Variants in PPIP5K2 observed in about 807,000 individuals in gnomAD.
PPIP5K2 encodes the protein inositol hexakisphosphate and diphosphoinositol-pentakisphosphate kinase 2.
PPIP5K2 carries 105 observed loss-of-function variants against 154.6 expected under a neutral mutation model. The ratio of observed to expected loss-of-function variants is 0.68; its 90% confidence interval spans 0.58 to 0.80. The LOEUF (loss-of-function observed/expected upper bound fraction) is 0.80, where lower values mean the gene tolerates loss of function less well. Among genes scored for constraint, PPIP5K2 ranks in the 30% least tolerant of loss-of-function variants. PPIP5K2 has a pLI of 0.00. For synonymous variants in PPIP5K2, 480 were observed against 490.3 expected (o/e 0.98, Z 0.28); for missense variants, 992 against 1,504.6 (o/e 0.66, Z 5.64).
intron 17 of PPIP5K2, among the ~76,000 whole-genome samples, chr5:103,164,924 T>A (rs1186890373): frequency 1.3e-5 from 2 of 152,086 alleles, no homozygotes; most frequent in African/African-American, 4.8e-5. Context: ...AACAGGATAG[T>A]GGTTTAGAGC....
chr5:103,187,223 C>A, intron 27 of PPIP5K2, 91 bp from the exon 28 acceptor site: 1 of 891,650 alleles, frequency 1.1e-6, no homozygotes, highest in East Asian at 2.7e-5. Flanking sequence ...ACCTTTCTAA[C>A]CTCCTCATAT....
intron 29 of PPIP5K2, among the ~76,000 whole-genome samples, chr5:103,193,846 CCTT>C (rs1801646495): frequency 6.6e-6 from 1 of 152,102 alleles, no homozygotes. Context: ...AGTAGTGTCT[CCTT>C]CTCCCCTACT....
rs1207285812 is a variant in PPIP5K2, at chr5:103,210,268, T to A, written c.*8634T>A. 2 of 152,190 alleles carry A rather than the reference T, an allele frequency of 1.3e-5. No individual in the cohort carries two copies. Among genetic ancestry groups the A allele is most frequent in the African/African-American group, 2.4e-5 (1 of 41,458 alleles). The allele number at this position is 152,190 out of a possible 1,614,324, so 9.4% of individuals were successfully genotyped here. On this transcript the variant is annotated 3_prime_UTR_variant, in exon 31 of 31. Transcript: ENST00000358359. ...AGTAAGAAGTGATAAATGTCTAGTT[T>A]GGAATCATGTGGCTGAAAATCTTAC...
intron 23 of PPIP5K2, among the ~76,000 whole-genome samples, chr5:103,179,398 A>G (rs1392866066): frequency 6.6e-6 from 1 of 152,012 alleles, no homozygotes; most frequent in Non-Finnish European, 1.5e-5. Flanking sequence ...ATAGTTGGAT[A>G]TTTGATATAA....
At chr5:103,191,556 A>G (rs1264950380) in intron 29 of PPIP5K2, among the ~76,000 whole-genome samples, 3 of 152,096 alleles carry the variant, frequency 2.0e-5, no homozygotes, top group African/African-American at 7.2e-5. Flanking sequence ...CCCTTTGGAG[A>G]GGTATAGCTA....
intron 14 of PPIP5K2, among the ~76,000 whole-genome samples, chr5:103,157,720 A>T (rs997843647): frequency 2.0e-5 from 3 of 152,020 alleles, no homozygotes; most frequent in Non-Finnish European, 2.9e-5. Flanking sequence ...AAAACAAAAA[A>T]ATATATATAT....
Position 103,177,652 on chromosome 5 carries a change from G to T in PPIP5K2, c.2530-15G>T, listed in dbSNP as rs782244051. 3 of 1,548,358 alleles carry T rather than the reference G, an allele frequency of 1.9e-6. No individual in the cohort carries two copies. Among genetic ancestry groups the T allele is most frequent in the Non-Finnish European group, 8.8e-7 (1 of 1,131,140 alleles). ...CAGTTTGAGAAAATGATTACCACAT[G>T]TATCTTTTGTTCAGGAATCAAAGGA... is the stretch of plus-strand genomic sequence containing the variant. On this transcript the variant is annotated splice_polypyrimidine_tract_variant and intron_variant, in intron 21 of 30. Coordinates refer to ENST00000358359, the MANE Select transcript of PPIP5K2 (RefSeq NM_001276277.3).
intron 7 of PPIP5K2, 22 bp downstream of exon 7, chr5:103,148,054 T>C: frequency 1.4e-6 from 2 of 1,478,580 alleles, no homozygotes; most frequent in Non-Finnish European, 1.9e-6. Flanking sequence ...TAAAATAGAT[T>C]TTAGTTTTAT....
intron 5 of PPIP5K2, among the ~76,000 whole-genome samples, chr5:103,139,044 C>T (rs1792079767): frequency 6.6e-6 from 1 of 152,180 alleles, no homozygotes; most frequent in Admixed American, 6.5e-5. Context: ...CGAGGGGGTT[C>T]CTGGAACCAG....
At chr5:103,129,011 G>C (rs1470811254) in intron 1 of PPIP5K2, among the ~76,000 whole-genome samples, 3 of 152,008 alleles carry the variant, frequency 2.0e-5, no homozygotes, top group Non-Finnish European at 4.4e-5. Context: ...TATAATTTGA[G>C]TAATTTTCTC....
At chr5:103,134,704 A>G (rs747865306) in intron 3 of PPIP5K2, among the ~76,000 whole-genome samples, 5 of 152,186 alleles carry the variant, frequency 3.3e-5, no homozygotes, top group Non-Finnish European at 7.4e-5. Flanking sequence ...CATATTCCAC[A>G]TACCATCTCT....
intron 5 of PPIP5K2, among the ~76,000 whole-genome samples, chr5:103,141,776 T>C (rs1354311483): frequency 2.0e-5 from 3 of 151,310 alleles, no homozygotes; most frequent in African/African-American, 7.3e-5. Flanking sequence ...GAGTGCCGAT[T>C]GGAGTATTTA....
chr5:103,166,632 A>C (rs1346797527), intron 17 of PPIP5K2, among the ~76,000 whole-genome samples: 1 of 152,002 alleles, frequency 6.6e-6, no homozygotes, highest in Non-Finnish European at 1.5e-5. Flanking sequence ...TTTTACTTTT[A>C]TCTTTTAATT....
At chr5:103,160,055 T>C (rs1455051808) in intron 17 of PPIP5K2, among the ~76,000 whole-genome samples, 2 of 152,178 alleles carry the variant, frequency 1.3e-5, no homozygotes, top group African/African-American at 4.8e-5. Flanking sequence ...TCACTTAACA[T>C]AGTGTCTTCT....
At chr5:103,121,987 A>T (rs1788832366) in intron 1 of PPIP5K2, among the ~76,000 whole-genome samples, 1 of 152,230 alleles carries the variant, frequency 6.6e-6, no homozygotes. Flanking sequence ...AATTGTGGTT[A>T]TGTAGGAAGG....
At chr5:103,155,375 A>T (rs1231133597) in intron 13 of PPIP5K2, among the ~76,000 whole-genome samples, 1 of 92,006 alleles carries the variant, frequency 1.1e-5, no homozygotes, top group South Asian at 3.7e-4. Context: ...GTGTTTTTAC[A>T]TATTTCTGTA....
intron 30 of PPIP5K2, among the ~76,000 whole-genome samples, chr5:103,200,013 T>A (rs1180323684): frequency 6.6e-6 from 1 of 152,216 alleles, no homozygotes; most frequent in Non-Finnish European, 1.5e-5. Context: ...TTGTAGACAT[T>A]GTGAATGGTA....
chr5:103,151,298 T>G lies in PPIP5K2; in HGVS notation c.952T>G (p.Tyr318Asp), dbSNP rs1288429731. Residue 318 changes from tyrosine to aspartate, a missense_variant, in exon 9 of 31, where the codon TAT becomes GAT. Transcript: ENST00000358359. ...TTTGTTACGGGCCAATGGACAGTCC[T>G]ATGTCTGTGATGTCAATGGCTTCAG... ...FDLLRANGQSYVCDVNGFSFV... is the reference protein window; with the variant it reads ...FDLLRANGQSDVCDVNGFSFV... The G allele has an allele frequency of 6.2e-7, 1 of 1,610,608 alleles. No homozygotes were observed. The highest frequency in any genetic ancestry group is 1.3e-5 in the African/African-American group (1 of 74,966).
rs530114459 is a variant in PPIP5K2 at position 103,189,104 on chromosome 5, G to A, written c.3352+1728G>A. 13 of 1,294,354 alleles carry A rather than the reference G, an allele frequency of 1.0e-5. No homozygotes were observed. The Admixed American group carries it at 1.3e-4, about 13-fold the overall frequency. The allele number at this position is 1,294,354 out of a possible 1,614,324, so 80.2% of individuals were successfully genotyped here. ...ACCCCTCCCTTCATCTTTAGTTCAA[G>A]GAACATGGTGAAACAAGTATCTTCT... is the stretch of plus-strand genomic sequence containing the variant. On this transcript the variant is annotated intron_variant, in intron 28 of 30. Transcript: ENST00000358359.
Sources: allele counts gnomAD v4.1 joint callset (sites outside exome capture counted in the v4.1 genomes callset), GRCh38; gene constraint gnomAD v4.1.1; transcripts MANE v1.5; gene names NCBI Gene and HGNC (gene_info 2026-07-23, HGNC 2026-07-21).